The following HMGXB3 variants were observed in gnomAD, a reference collection of about 807,000 sequenced individuals.
HMGXB3 encodes HMG-box containing 3.
Under a neutral mutation model 121.5 loss-of-function variants are expected in HMGXB3, and 45 were observed. That is an observed-to-expected ratio of 0.37 (90% CI 0.29 to 0.47). HMGXB3 has a LOEUF of 0.47. HMGXB3 is among the 20% of genes least tolerant of loss of function. The pLI is 0.99. For synonymous variants in HMGXB3, 590 were observed against 624.1 expected, an observed-to-expected ratio of 0.95 and a Z score of 0.81; for missense variants, 1,376 against 1,602.2, an observed-to-expected ratio of 0.86 and a Z score of 2.41.
At chr5:150,047,315 A>G (rs1431837931) in intron 16 of HMGXB3, among the ~76,000 whole-genome samples, 1 of 152,200 alleles carries the variant, frequency 6.6e-6, no homozygotes, top group Admixed American at 6.5e-5. Flanking sequence ...TGATGCAGTC[A>G]TGGTAAGCAT....
chr5:150,045,840 C>T (rs1422319730), intron 16 of HMGXB3, among the ~76,000 whole-genome samples, 155 bp downstream of exon 16: 1 of 152,208 alleles, frequency 6.6e-6, no homozygotes, highest in Non-Finnish European at 1.5e-5. Context: ...TCAAAATCCC[C>T]TAGAGTTTAA....
intron 4 of HMGXB3, among the ~76,000 whole-genome samples, chr5:150,011,315 A>G (rs1382883395): frequency 2.6e-5 from 4 of 152,258 alleles, no homozygotes; most frequent in Non-Finnish European, 5.9e-5. Context: ...AGTGATCCCA[A>G]CAACCTCATC....
At chr5:150,017,769 A>G (rs183546030) in intron 5 of HMGXB3, among the ~76,000 whole-genome samples, 1 of 152,358 alleles carries the variant, frequency 6.6e-6, no homozygotes, top group Non-Finnish European at 1.5e-5. Context: ...CAGAACAAAT[A>G]TGACAGAGAA....
intron 15 of HMGXB3, among the ~76,000 whole-genome samples, chr5:150,043,875 C>T (rs1756694915): frequency 6.6e-6 from 1 of 152,192 alleles, no homozygotes; most frequent in African/African-American, 2.4e-5. Flanking sequence ...GAGTCTGCAC[C>T]CTAAGCACTG....
intron 6 of HMGXB3, among the ~76,000 whole-genome samples, chr5:150,023,953 ACTAAATGTAAAC>A (rs763941677): frequency 2.0e-5 from 3 of 152,256 alleles, no homozygotes; most frequent in African/African-American, 4.8e-5. Flanking sequence ...ATAATGTAAA[ACTAAATGTAAAC>A]CTAAAAAATG....
chr5:150,026,119 C>T (rs535855120), intron 7 of HMGXB3, among the ~76,000 whole-genome samples: 5 of 151,090 alleles, frequency 3.3e-5, no homozygotes, highest in South Asian at 2.1e-4. Flanking sequence ...CGTGAGCTAC[C>T]GCGCCCGGCC....
Position 150,037,395 on chromosome 5 carries a change from A to G in HMGXB3, c.2286-5A>G. 6 of 1,539,582 alleles carry G rather than the reference A, an allele frequency of 3.9e-6. No individual in the cohort carries two copies. Among genetic ancestry groups the G allele is most frequent in the African/African-American group, 1.4e-5 (1 of 72,332 alleles). On this transcript the variant is annotated splice_polypyrimidine_tract_variant and splice_region_variant and intron_variant, in intron 12 of 19. Transcript: ENST00000502717. ...TTTTTTTGTTGGTGATGTTTCTGGT[A>G]CTAGCTCCCTGGCTGGGCCCCAGGA...
At chr5:150,017,654 G>A (rs144156501) in intron 5 of HMGXB3, among the ~76,000 whole-genome samples, 2 of 152,322 alleles carry the variant, frequency 1.3e-5, no homozygotes, top group African/African-American at 4.8e-5. Context: ...AGGCTTCCTT[G>A]CAGAGGTAGC....
At position 150,036,675 on chromosome 5, in the gene HMGXB3, G is replaced by C; in HGVS notation, c.2023G>C (p.Glu675Gln). 6.4e-7 allele frequency: 1 copy of C among 1,550,434 alleles called. No homozygotes were observed. Among genetic ancestry groups the C allele is most frequent in the African/African-American group, 1.4e-5 (1 of 73,116 alleles). The change falls in exon 12 of 20, where the codon GAG (glutamate) becomes CAG (glutamine). Residue 675 changes from glutamate to glutamine, a missense_variant. Transcript: ENST00000502717. ...SPLPDVLNAT[E>Q]PLSTAQREIQ... ...ACTCCCAGATGTACTGAATGCCACA[G>C]AGCCCCTGAGCACAGCCCAGAGGGA...
At chr5:150,009,693 A>G (rs1340411520) in intron 3 of HMGXB3, among the ~76,000 whole-genome samples, 2 of 152,188 alleles carry the variant, frequency 1.3e-5, no homozygotes, top group East Asian at 1.9e-4. Context: ...TTGGAATCCT[A>G]AAGTATCAGA....
At chr5:150,032,695 A>G (rs1172531857) in intron 11 of HMGXB3, 92 bp downstream of exon 11, 3 of 1,425,322 alleles carry the variant, frequency 2.1e-6, no homozygotes, top group Non-Finnish European at 2.9e-6. Flanking sequence ...TTTAAAGTAC[A>G]TGGTGGTAGT....
chr5:150,018,137 A>G (rs1756001352), intron 5 of HMGXB3, among the ~76,000 whole-genome samples: 1 of 152,232 alleles, frequency 6.6e-6, no homozygotes, highest in African/African-American at 2.4e-5. Context: ...ATGTTGGGCC[A>G]AGAATAGAGA....
At chr5:150,028,554 TATATA>T (rs556933166) in intron 9 of HMGXB3, among the ~76,000 whole-genome samples, 15 of 58,214 alleles carry the variant, frequency 2.6e-4, no homozygotes, top group African/African-American at 1.6e-3. Flanking sequence ...TATATATATA[TATATA>T]TTTTTTTTTT....
chr5:150,012,179 C>A (rs1474717839), intron 4 of HMGXB3, 76 bp from the exon 5 acceptor site: 4 of 956,966 alleles, frequency 4.2e-6, no homozygotes, highest in Non-Finnish European at 6.6e-6. Context: ...TTAATCCAGG[C>A]TTCCAGTGTT....
At position 150,040,852 on chromosome 5, in the gene HMGXB3, G is replaced by T; in HGVS notation, c.2518G>T (p.Val840Phe). 5 of 1,550,968 alleles carry T rather than the reference G, an allele frequency of 3.2e-6. No individual in the cohort carries two copies. The highest frequency in any genetic ancestry group is 4.4e-6 in the Non-Finnish European group (5 of 1,146,702). Reference protein sequence around the residue: ...GEDPRVSINVVLKSVQEQTEK... With the variant: ...GEDPRVSINVFLKSVQEQTEK... ...GGACCCCAGAGTGTCCATCAATGTT[G>T]TTCTGAAGTCGGTGCAGGAGCAGAC... The change falls in exon 14 of 20, where the codon GTT becomes TTT. Residue 840 changes from valine (V) to phenylalanine (F), a missense_variant. Around this residue, in one of 2 missense-constraint regions of HMGXB3, gnomAD observed 1,116 missense variants for 1,369.0 expected, o/e 0.82. Transcript: ENST00000502717.
chr5:150,048,236 G>A (rs911775463), intron 17 of HMGXB3, among the ~76,000 whole-genome samples: 5 of 152,182 alleles, frequency 3.3e-5, no homozygotes, highest in African/African-American at 1.2e-4. Context: ...TTTCTGTGCT[G>A]TTGAAAATGT....
intron 6 of HMGXB3, among the ~76,000 whole-genome samples, chr5:150,019,663 A>G (rs1011726198): frequency 2.0e-5 from 3 of 152,242 alleles, no homozygotes; most frequent in African/African-American, 7.2e-5. Context: ...AGAGAGTTGA[A>G]GATTCAACAG....
At chr5:150,043,509 T>C (rs1373539382) in intron 15 of HMGXB3, among the ~76,000 whole-genome samples, 3 of 152,210 alleles carry the variant, frequency 2.0e-5, no homozygotes, top group East Asian at 1.9e-4. Flanking sequence ...GCAGGACCAC[T>C]AGACATATTA....
chr5:150,032,392 C>A, intron 10 of HMGXB3, 62 bp from the exon 11 acceptor site: 1 of 1,474,660 alleles, frequency 6.8e-7, no homozygotes, highest in Non-Finnish European at 9.2e-7. Context: ...CATTCTGGTT[C>A]TGGGTTCTGC....
Sources: gnomAD v4.1 joint callset for allele counts (sites outside exome capture counted in the v4.1 genomes callset) on GRCh38, gnomAD v4.1.1 for gene constraint, gnomAD v4.1.1 regional missense constraint, MANE v1.5 for transcripts, NCBI Gene and HGNC (gene_info 2026-07-23, HGNC 2026-07-21) for gene names.